ZFHX3: variants seen among roughly 807,000 people sequenced by gnomAD.
The protein encoded by ZFHX3 is zinc finger homeobox protein 3.
Under a neutral mutation model 279.1 loss-of-function variants are expected in ZFHX3, and 42 were observed. The observed-to-expected ratio is 0.15, with a 90% CI of 0.12 to 0.19. ZFHX3 has a LOEUF of 0.19. ZFHX3 is among the 10% of genes least tolerant of loss of function. The pLI, the probability that ZFHX3 is intolerant of heterozygous loss-of-function variation, is 1.00. For synonymous variants in ZFHX3, 2,293 were observed against 1,957.8 expected (o/e 1.17, Z -4.52); for missense variants, 4,981 against 4,754.0 (o/e 1.05, Z -1.40).
intron 4 of ZFHX3, among the ~76,000 whole-genome samples, chr16:73,269,861 G>A (rs1457357338): frequency 6.6e-6 from 1 of 151,902 alleles, no homozygotes; most frequent in East Asian, 1.9e-4. Context: ...CGATTCTCCT[G>A]CCTCAGTCTC....
intron 1 of ZFHX3, among the ~76,000 whole-genome samples, chr16:73,032,083 G>A (rs1227606367): frequency 6.6e-6 from 1 of 152,218 alleles, no homozygotes; most frequent in Non-Finnish European, 1.5e-5. Context: ...GCTCACGCCT[G>A]TAATTGCAGC....
chr16:73,747,119 G>A (rs991639975), intron 1 of ZFHX3, among the ~76,000 whole-genome samples: 3 of 152,240 alleles, frequency 2.0e-5, no homozygotes, highest in Non-Finnish European at 2.9e-5. Context: ...GTGAGTGCAA[G>A]GGCTCACACT....
intron 1 of ZFHX3, among the ~76,000 whole-genome samples, chr16:73,836,215 G>A (rs1220316458): frequency 6.6e-6 from 1 of 152,116 alleles, no homozygotes; most frequent in Non-Finnish European, 1.5e-5. Context: ...ATTCCACATT[G>A]AACCCAACTG....
chr16:73,579,685 G>C (rs2051837215), intron 2 of ZFHX3, among the ~76,000 whole-genome samples: 1 of 150,132 alleles, frequency 6.7e-6, no homozygotes, highest in Non-Finnish European at 1.5e-5. Flanking sequence ...TGTATTTTTA[G>C]TAGAGACGGG....
chr16:72,824,243 A>C (rs1486077071), intron 5 of ZFHX3, among the ~76,000 whole-genome samples: 2 of 152,176 alleles, frequency 1.3e-5, no homozygotes, highest in Admixed American at 1.3e-4. Flanking sequence ...GCCTGCCAGC[A>C]CCATATTCCA....
chr16:73,522,001 T>C (rs1567508570), intron 2 of ZFHX3, among the ~76,000 whole-genome samples: 1 of 152,180 alleles, frequency 6.6e-6, no homozygotes. Flanking sequence ...AATAGCAAGT[T>C]TGCATGGCAG....
At chr16:73,611,567 G>C (rs1185052283) in intron 2 of ZFHX3, among the ~76,000 whole-genome samples, 1 of 152,076 alleles carries the variant, frequency 6.6e-6, no homozygotes, top group East Asian at 1.9e-4. Context: ...TGAAGCATAA[G>C]GTGATAGTTA....
intron 1 of ZFHX3, among the ~76,000 whole-genome samples, chr16:73,681,138 C>CA (rs1310209141): frequency 2.0e-5 from 3 of 152,072 alleles, no homozygotes; most frequent in Non-Finnish European, 4.4e-5. Context: ...TTGAGGTGGT[C>CA]AAAAATGACA....
At chr16:73,652,221 C>T (rs2052678692) in intron 2 of ZFHX3, among the ~76,000 whole-genome samples, 1 of 152,098 alleles carries the variant, frequency 6.6e-6, no homozygotes, top group East Asian at 1.9e-4. Context: ...AGTGAGGGCT[C>T]CCACATGTGG....
intron 4 of ZFHX3, among the ~76,000 whole-genome samples, chr16:73,299,749 A>C (rs1212981376): frequency 6.6e-6 from 1 of 152,208 alleles, no homozygotes; most frequent in Non-Finnish European, 1.5e-5. Context: ...TGCAAATCAT[A>C]GGGCCTACCA....
At chr16:73,495,707 T>G (rs563701466) in intron 2 of ZFHX3, among the ~76,000 whole-genome samples, 1 of 152,316 alleles carries the variant, frequency 6.6e-6, no homozygotes, top group South Asian at 2.1e-4. Context: ...CCATCACCTC[T>G]GACCCAGAAA....
Position 73,646,251 on chromosome 16 carries a change from G to C in ZFHX3, c.-1547+33929C>G, listed in dbSNP as rs534155404. 2.6e-5 allele frequency among the ~76,000 whole-genome samples: 4 copies of C among 152,266 alleles called. No individual in the cohort carries two copies. The South Asian group carries it at 8.3e-4, about 32-fold the overall frequency. On this transcript the variant is annotated intron_variant, in intron 2 of 17. Transcript: ENST00000641206. Reference sequence around the variant, plus strand: ...ATGTGTCTTTACAATGGAATGCTATGATAGATTGATACACATTTACTGATA... The same window carrying C: ...ATGTGTCTTTACAATGGAATGCTATCATAGATTGATACACATTTACTGATA...
intron 1 of ZFHX3, among the ~76,000 whole-genome samples, chr16:73,041,459 C>G (rs1391946942): frequency 6.6e-6 from 1 of 151,728 alleles, no homozygotes; most frequent in African/African-American, 2.4e-5. Context: ...TTTACTTGAA[C>G]AACATTTTTT....
chr16:73,736,452 G>A (rs1412096290), intron 1 of ZFHX3, among the ~76,000 whole-genome samples: 2 of 152,128 alleles, frequency 1.3e-5, no homozygotes, highest in South Asian at 2.1e-4. Context: ...GGTGGTTCCT[G>A]AGTTTGATTT....
intron 5 of ZFHX3, among the ~76,000 whole-genome samples, chr16:73,192,352 C>A (rs1968059618): frequency 6.6e-6 from 1 of 152,192 alleles, no homozygotes. Context: ...ACCCAAACCA[C>A]CCGCCGCCCT....
chr16:72,793,459 A>G lies in ZFHX3; in HGVS notation c.9223T>C (p.Leu3075=), dbSNP rs139107568. The change falls in exon 9 of 10, where the codon TTG becomes CTG. Residue 3075 remains leucine (L), a synonymous_variant. Transcript: ENST00000268489. This position sits in a 1 kb window ranked among gnomAD's most constrained non-coding sequence, Gnocchi z 4.3. ...EYFDPATVRQ[L]MAQQELDRIK... Reference sequence around the variant, plus strand: ...CGGTCCAACTCTTGTTGAGCCATCAACTGACGTACGGTGGCTGGGTCAAAG... The same window carrying G: ...CGGTCCAACTCTTGTTGAGCCATCAGCTGACGTACGGTGGCTGGGTCAAAG... 8.9e-4 allele frequency: 1,442 copies of G among 1,614,084 alleles called. 5 individuals carry two copies. Among genetic ancestry groups the G allele is most frequent in the Non-Finnish European group, 1.1e-3 (1,346 of 1,180,036 alleles).
intron 3 of ZFHX3, among the ~76,000 whole-genome samples, chr16:73,348,170 C>A (rs539427291): frequency 6.6e-6 from 1 of 152,296 alleles, no homozygotes; most frequent in African/African-American, 2.4e-5. Flanking sequence ...CCAGCCAAAG[C>A]CACGGTTTAT....
intron 7 of ZFHX3, chr16:73,094,606 T>A (rs1395961496): frequency 6.6e-6 from 1 of 151,990 alleles, no homozygotes; most frequent in Non-Finnish European, 1.5e-5. Flanking sequence ...AACAAACACA[T>A]GTAGAACCAG....
intron 1 of ZFHX3, among the ~76,000 whole-genome samples, chr16:73,781,824 T>A (rs985474887): frequency 2.6e-5 from 4 of 152,076 alleles, no homozygotes; most frequent in African/African-American, 9.7e-5. Flanking sequence ...CCGTCTCTAC[T>A]AAAAATACAA....
Sources: allele counts gnomAD v4.1 joint callset (sites outside exome capture counted in the v4.1 genomes callset), GRCh38; gene constraint gnomAD v4.1.1; non-coding constraint Gnocchi (gnomAD v3.1); transcripts MANE v1.5; gene names NCBI Gene and HGNC (gene_info 2026-07-23, HGNC 2026-07-21).